LDLRAD4: variants seen among roughly 807,000 people sequenced by gnomAD.
LDLRAD4 encodes the protein low density lipoprotein receptor class A domain containing 4, also known as low-density lipoprotein receptor class A domain-containing protein 4.
Under a neutral mutation model 17.0 loss-of-function variants are expected in LDLRAD4, and 5 were observed. The ratio of observed to expected loss-of-function variants is 0.29; its 90% CI spans 0.15 to 0.62. LDLRAD4 has a LOEUF of 0.62. Among genes scored for constraint, LDLRAD4 ranks in the 20% least tolerant of loss-of-function variants. LDLRAD4 has a pLI of 0.84. For synonymous variants in LDLRAD4, 168 were observed against 171.8 expected, an observed-to-expected ratio of 0.98 and a Z score of 0.17; for missense variants, 340 against 424.7, an observed-to-expected ratio of 0.80 and a Z score of 1.75.
chr18:13,347,975 A>G (rs1006815444), intron 1 of LDLRAD4, among the ~76,000 whole-genome samples: 1 of 152,248 alleles, frequency 6.6e-6, no homozygotes, highest in East Asian at 1.9e-4. Context: ...CCATTCGTCT[A>G]ATCTTTTTTC....
intron 1 of LDLRAD4, among the ~76,000 whole-genome samples, chr18:13,238,172 A>T (rs1402006729): frequency 6.6e-6 from 1 of 152,230 alleles, no homozygotes; most frequent in Non-Finnish European, 1.5e-5. Context: ...TCTGGAGGGC[A>T]TGAGATCACA....
At chr18:13,566,523 C>T (rs201300880) in intron 3 of LDLRAD4, among the ~76,000 whole-genome samples, 2 of 152,136 alleles carry the variant, frequency 1.3e-5, no homozygotes, top group African/African-American at 4.8e-5. Context: ...CCACCACGCC[C>T]GGCTGATCTT....
At chr18:13,361,223 G>A (rs1056804623) in intron 1 of LDLRAD4, among the ~76,000 whole-genome samples, 15 of 152,156 alleles carry the variant, frequency 9.9e-5, no homozygotes, top group African/African-American at 3.1e-4. Context: ...GACTACAGGC[G>A]CCCACACTCG....
exon 6 of LDLRAD4, chr18:13,651,478 T>C (rs1364077637): frequency 1.3e-5 from 2 of 152,246 alleles, no homozygotes; most frequent in African/African-American, 2.4e-5. Flanking sequence ...TTCCCATTCA[T>C]GTCCCATCAT....
At chr18:13,438,222 G>A in intron 2 of LDLRAD4, 22 bp from the exon 4 acceptor site, 1 of 1,612,710 alleles carries the variant, frequency 6.2e-7, no homozygotes, top group African/African-American at 1.3e-5. Flanking sequence ...ACTGCTCCAT[G>A]CTTTATATTG....
chr18:13,499,511 A>G (rs2093573153), intron 3 of LDLRAD4, among the ~76,000 whole-genome samples: 1 of 148,242 alleles, frequency 6.7e-6, no homozygotes, highest in South Asian at 2.1e-4. Context: ...TTCTTGCCAC[A>G]CACGTCCCGC....
At chr18:13,420,311 TCAAACACTA>T (rs1199966617) in intron 2 of LDLRAD4, 16 of 151,678 alleles carry the variant, frequency 1.1e-4, no homozygotes, top group Non-Finnish European at 2.4e-4. Flanking sequence ...GTCCAGAATA[TCAAACACTA>T]CATTGATGCT....
intron 3 of LDLRAD4, among the ~76,000 whole-genome samples, chr18:13,474,661 G>A (rs1445873790): frequency 6.6e-6 from 1 of 152,238 alleles, no homozygotes; most frequent in Non-Finnish European, 1.5e-5. Flanking sequence ...AGGGAGAGGG[G>A]CCACAGGTGC....
At chr18:13,644,400 C>CAAA (rs5823265) in intron 5 of LDLRAD4, among the ~76,000 whole-genome samples, 5 of 58,618 alleles carry the variant, frequency 8.5e-5, no homozygotes, top group Admixed American at 1.7e-4. Flanking sequence ...AACCCCATCT[C>CAAA]AAAAAAAAAA....
chr18:13,513,380 A>G (rs531784382), intron 3 of LDLRAD4, among the ~76,000 whole-genome samples: 1 of 152,370 alleles, frequency 6.6e-6, no homozygotes, highest in East Asian at 1.9e-4. Context: ...ACTGTGGGCT[A>G]AACACAAGAT....
chr18:13,549,751 C>A (rs910548057), intron 3 of LDLRAD4, among the ~76,000 whole-genome samples: 20 of 151,970 alleles, frequency 1.3e-4, no homozygotes, highest in Non-Finnish European at 2.5e-4. Context: ...CTGGGGCAGC[C>A]TTATTTTAGT....
At chr18:13,328,761 T>G (rs2081675874) in intron 1 of LDLRAD4, among the ~76,000 whole-genome samples, 1 of 152,248 alleles carries the variant, frequency 6.6e-6, no homozygotes, top group Non-Finnish European at 1.5e-5. Context: ...TATAAAAAGA[T>G]GTTTATTGAA....
intron 1 of LDLRAD4, among the ~76,000 whole-genome samples, chr18:13,278,941 A>G (rs1599075401): frequency 6.6e-6 from 1 of 152,244 alleles, no homozygotes; most frequent in East Asian, 1.9e-4. Flanking sequence ...GCAGCAGAGG[A>G]GGCACCTGGA....
chr18:13,298,895 G>A (rs1425363524), intron 1 of LDLRAD4, among the ~76,000 whole-genome samples: 1 of 152,248 alleles, frequency 6.6e-6, no homozygotes, highest in African/African-American at 2.4e-5. Context: ...CTGACCATGT[G>A]GGCTTGTCCA....
exon 6 of LDLRAD4, chr18:13,651,830 T>A (rs1157715553): frequency 3.3e-5 from 5 of 152,202 alleles, no homozygotes; most frequent in African/African-American, 1.2e-4. Flanking sequence ...TGGTGTATGT[T>A]CTGACTTTGA....
At chr18:13,649,543 C>T (rs3744811) in exon 6 of LDLRAD4, 29,043 of 152,442 alleles carry the variant, frequency 0.19, 3,467 homozygotes, top group East Asian at 0.34. Context: ...AGGACCGGCT[C>T]ATGGCGTTGG....
intron 1 of LDLRAD4, among the ~76,000 whole-genome samples, chr18:13,252,892 G>T (rs2145844002): frequency 6.6e-6 from 1 of 152,348 alleles, no homozygotes. Context: ...GTCTCGTTAG[G>T]CTTTGCTTCT....
chr18:13,256,606 A>G (rs558950733), intron 1 of LDLRAD4, among the ~76,000 whole-genome samples: 169 of 152,350 alleles, frequency 1.1e-3, no homozygotes, highest in African/African-American at 3.4e-3. Flanking sequence ...GCAGGTGTGT[A>G]GGACTGGTGT....
chr18:13,498,961 C>G (rs1473114518), intron 3 of LDLRAD4, among the ~76,000 whole-genome samples: 1 of 146,582 alleles, frequency 6.8e-6, no homozygotes, highest in African/African-American at 2.6e-5. Flanking sequence ...CATACATGTC[C>G]TGCTGTGGAC....
Sources: gnomAD v4.1 joint callset for allele counts (sites outside exome capture counted in the v4.1 genomes callset) on GRCh38, gnomAD v4.1.1 for gene constraint, MANE v1.5 for transcripts, NCBI Gene and HGNC (gene_info 2026-07-23, HGNC 2026-07-21) for gene names.